ADAM22: variants seen among roughly 807,000 people sequenced by gnomAD.
ADAM22 encodes the protein disintegrin and metalloproteinase domain-containing protein 22.
A neutral mutation model predicts 144.6 loss-of-function variants in ADAM22; 65 were observed. That is an observed-to-expected ratio of 0.45 (90% CI 0.37 to 0.55). ADAM22 has a LOEUF of 0.55. Among genes scored for constraint, ADAM22 ranks in the 20% least tolerant of loss-of-function variants. The pLI is 0.00. For missense variants in ADAM22, 974 were observed against 1,184.9 expected (o/e 0.82, Z 2.61); for synonymous variants, 391 against 412.6 (o/e 0.95, Z 0.63).
In ADAM22 at chr7:88,081,972, A is replaced by C. The variant is rs569807749; in HGVS notation, c.390+6280A>C. On this transcript the variant is annotated intron_variant, in intron 4 of 31. Transcript: ENST00000413139. ...AAGCTACCAATGACTTTCTTCACAG[A>C]ATTGGAAAAAACTACTTTAAAGTTC... Among the ~76,000 whole-genome samples, 164 of 152,154 alleles carry C rather than the reference A, an allele frequency of 1.1e-3. 1 individual carries two copies. The highest frequency in any genetic ancestry group is 6.1e-3 in the Admixed American group (93 of 15,270).
At chr7:88,162,118 A>ACACACACG in intron 22 of ADAM22, among the ~76,000 whole-genome samples, 1 of 151,472 alleles carries the variant, frequency 6.6e-6, no homozygotes, top group East Asian at 1.9e-4. Flanking sequence ...ACACACACAC[A>ACACACACG]CACACACACA....
At chr7:88,103,375 G>T (rs573788136) in intron 4 of ADAM22, among the ~76,000 whole-genome samples, 1 of 152,038 alleles carries the variant, frequency 6.6e-6, no homozygotes, top group African/African-American at 2.4e-5. Flanking sequence ...TAATAAAAAT[G>T]TGGTATGTCT....
chr7:88,116,833 G>T lies in ADAM22; in HGVS notation c.607+19G>T. The T allele has an allele frequency of 1.3e-6, 2 of 1,577,124 alleles. No individual in the cohort carries two copies. Among genetic ancestry groups the T allele is most frequent in the South Asian group, 2.2e-5 (2 of 89,962 alleles). On this transcript the variant is annotated intron_variant, in intron 7 of 31. Coordinates refer to ENST00000413139, the MANE Select transcript of ADAM22 (RefSeq NM_001324418.2). Reference sequence around the variant, plus strand: ...CCATCTGGTATGATGTTCATATAGTGACTTTTTATCTAAAAGACAACTTCA... The same window carrying T: ...CCATCTGGTATGATGTTCATATAGTTACTTTTTATCTAAAAGACAACTTCA...
intron 22 of ADAM22, among the ~76,000 whole-genome samples, chr7:88,159,069 G>A (rs1840815843): frequency 6.6e-6 from 1 of 152,014 alleles, no homozygotes; most frequent in Non-Finnish European, 1.5e-5. Flanking sequence ...CGACAAAGGG[G>A]ATGTTACGAC....
intron 4 of ADAM22, among the ~76,000 whole-genome samples, chr7:88,095,174 A>T (rs1244963044): frequency 1.3e-5 from 2 of 152,350 alleles, no homozygotes; most frequent in East Asian, 3.9e-4. Flanking sequence ...GACAGGAAGC[A>T]TGTCAGGATC....
intron 3 of ADAM22, among the ~76,000 whole-genome samples, chr7:88,026,212 C>CA (rs776294798): frequency 3.3e-5 from 5 of 152,142 alleles, no homozygotes; most frequent in Admixed American, 6.5e-5. Context: ...CATGGTTCCA[C>CA]AAACTGTACA....
chr7:88,033,809 C>T (rs4259346), intron 3 of ADAM22, among the ~76,000 whole-genome samples: 1 of 152,164 alleles, frequency 6.6e-6, no homozygotes, highest in Non-Finnish European at 1.5e-5. Flanking sequence ...AGAGGATTCT[C>T]TCCCTGTGTC....
At chr7:88,158,230 C>G (rs1024854372) in intron 22 of ADAM22, among the ~76,000 whole-genome samples, 5 of 152,162 alleles carry the variant, frequency 3.3e-5, no homozygotes, top group Non-Finnish European at 7.3e-5. Context: ...GCACCCAACA[C>G]AGGAGCACCC....
At chr7:88,192,670 T>C (rs1849874604) in intron 30 of ADAM22, among the ~76,000 whole-genome samples, 2 of 152,198 alleles carry the variant, frequency 1.3e-5, no homozygotes, top group South Asian at 4.1e-4. Flanking sequence ...AACTAATAAA[T>C]ATATCAGTTG....
intron 3 of ADAM22, among the ~76,000 whole-genome samples, chr7:88,045,711 A>G (rs1804471289): frequency 6.6e-6 from 1 of 152,136 alleles, no homozygotes; most frequent in African/African-American, 2.4e-5. Context: ...AGAGTCTGGC[A>G]CCATCATTAT....
chr7:88,155,526 A>G (rs1839692840), intron 21 of ADAM22, among the ~76,000 whole-genome samples: 1 of 140,982 alleles, frequency 7.1e-6, no homozygotes, highest in South Asian at 2.2e-4. Flanking sequence ...TGACTCTAAG[A>G]AAAAAAAAAA....
At chr7:88,103,563 A>T (rs1023597555) in intron 4 of ADAM22, among the ~76,000 whole-genome samples, 1 of 152,084 alleles carries the variant, frequency 6.6e-6, no homozygotes, top group Non-Finnish European at 1.5e-5. Context: ...TTGTACTTTT[A>T]TGGCTATGTT....
chr7:88,008,045 A>G (rs1794403446), intron 3 of ADAM22, among the ~76,000 whole-genome samples: 1 of 152,182 alleles, frequency 6.6e-6, no homozygotes, highest in African/African-American at 2.4e-5. Flanking sequence ...ACTCAAACAA[A>G]TTTACAAGAA....
rs1383703118 is a variant in ADAM22 at position 88,039,460 on chromosome 7, A to AT, written c.324-36166_324-36165insT. ...GCGAGATTCTGTCTCAAAAAAAAAA[A>AT]AAAAATATATATATATATATATATA... On this transcript the variant is annotated intron_variant, in intron 3 of 31. Coordinates refer to ENST00000413139, the MANE Select transcript of ADAM22 (RefSeq NM_001324418.2). Among the ~76,000 whole-genome samples, 346 of 76,510 alleles carry AT rather than the reference A, an allele frequency of 4.5e-3. 15 individuals are homozygous for AT. Among genetic ancestry groups the AT allele is most frequent in the Admixed American group, 9.1e-3 (68 of 7,440 alleles). The allele number at this position is 76,510 out of a possible 152,430, so 50.2% of individuals were successfully genotyped here. A position where few individuals can be genotyped will look rare whatever the true frequency, so the allele number is the denominator to read the frequency against.
intron 8 of ADAM22, among the ~76,000 whole-genome samples, chr7:88,128,376 G>A (rs1830954849): frequency 6.6e-6 from 1 of 151,972 alleles, no homozygotes; most frequent in Non-Finnish European, 1.5e-5. Flanking sequence ...GAGAATAGAG[G>A]TGAGAGGAAG....
chr7:87,937,054 C>G (rs1307465244), intron 2 of ADAM22, among the ~76,000 whole-genome samples: 1 of 152,108 alleles, frequency 6.6e-6, no homozygotes, highest in Admixed American at 6.6e-5. Flanking sequence ...CTCTTGGGCC[C>G]CAGTGATCCT....
At chr7:88,071,671 A>G (rs1812855608) in intron 3 of ADAM22, among the ~76,000 whole-genome samples, 1 of 152,172 alleles carries the variant, frequency 6.6e-6, no homozygotes, top group South Asian at 2.1e-4. Context: ...TTGTTATGAC[A>G]TGCAAATGAA....
intron 5 of ADAM22, among the ~76,000 whole-genome samples, chr7:88,113,664 A>G (rs193163017): frequency 0.072 from 9,022 of 124,870 alleles, 582 homozygotes; most frequent in East Asian, 0.26. Flanking sequence ...GTGTGTGTGT[A>G]TATATATATA....
chr7:88,066,363 A>G (rs929159137), intron 3 of ADAM22, among the ~76,000 whole-genome samples: 3 of 151,738 alleles, frequency 2.0e-5, no homozygotes, highest in Non-Finnish European at 4.4e-5. Flanking sequence ...TGATCACTCT[A>G]TGATTTTTGG....
Sources: allele counts gnomAD v4.1 joint callset (sites outside exome capture counted in the v4.1 genomes callset), GRCh38; gene constraint gnomAD v4.1.1; transcripts MANE v1.5; gene names NCBI Gene and HGNC (gene_info 2026-07-23, HGNC 2026-07-21).